CROCC2: variants seen among roughly 807,000 people sequenced by gnomAD.
The protein encoded by CROCC2 is ciliary rootlet coiled-coil, rootletin family member 2.
Under a neutral mutation model 177.6 loss-of-function variants are expected in CROCC2, and 163 were observed. That is an observed-to-expected ratio of 0.92 (90% confidence interval 0.81 to 1.05). CROCC2 has a LOEUF of 1.05. Among genes scored for constraint, CROCC2 ranks in the 50% least tolerant of loss-of-function variants. CROCC2 has a pLI of 0.00. For missense variants in CROCC2, 1,929 were observed against 1,797.8 expected, an observed-to-expected ratio of 1.07 and a Z score of -1.32; for synonymous variants, 904 against 787.3, an observed-to-expected ratio of 1.15 and a Z score of -2.48.
chr2:240,930,450 G>T (rs893509976), intron 6 of CROCC2, among the ~76,000 whole-genome samples, 181 bp downstream of exon 6: 1 of 152,152 alleles, frequency 6.6e-6, no homozygotes, highest in African/African-American at 2.4e-5. Flanking sequence ...AGCGATGAGG[G>T]CAGCCTAGGA....
intron 30 of CROCC2, among the ~76,000 whole-genome samples, chr2:240,990,728 AC>A (rs2059872715): frequency 6.6e-6 from 1 of 152,098 alleles, no homozygotes; most frequent in Admixed American, 6.5e-5. Flanking sequence ...GATTGCAGGC[AC>A]CCACCACCAT....
At chr2:240,941,329 A>C (rs6758881) in intron 14 of CROCC2, among the ~76,000 whole-genome samples, 87,200 of 151,988 alleles carry the variant, frequency 0.57, 25,567 homozygotes, top group Non-Finnish European at 0.63. Context: ...ACTAGAAAAA[A>C]ATCCTAAATT....
chr2:240,983,902 A>G (rs898152348), intron 28 of CROCC2, among the ~76,000 whole-genome samples: 18 of 152,114 alleles, frequency 1.2e-4, no homozygotes, highest in Non-Finnish European at 2.4e-4. Flanking sequence ...GCCCCTGCTC[A>G]TGGTGGAGAT....
chr2:240,973,268 C>T lies in CROCC2; in HGVS notation c.4401+5006C>T, dbSNP rs1479345556. Among the ~76,000 whole-genome samples, 1 of 152,134 alleles carries T rather than the reference C, an allele frequency of 6.6e-6. No homozygotes were observed. Among genetic ancestry groups the T allele is most frequent in the East Asian group, 1.9e-4 (1 of 5,202 alleles). ...AATCCCTCCCCGTTTCCAAGGCTAC[C>T]CTGGGAATTCAATAGAACAGCCGTG... is the stretch of plus-strand genomic sequence containing the variant. On this transcript the variant is annotated intron_variant, in intron 27 of 31. Transcript: ENST00000690015. This position sits in a 1 kb window ranked among gnomAD's most constrained non-coding sequence, Gnocchi z 4.7.
chr2:240,962,604 A>G (rs986694812), intron 20 of CROCC2, among the ~76,000 whole-genome samples: 2 of 152,202 alleles, frequency 1.3e-5, no homozygotes, highest in Non-Finnish European at 2.9e-5. Context: ...GAAAACAGCC[A>G]GAAAGAGGGG....
chr2:240,944,918 T>C (rs2059514485), intron 14 of CROCC2, among the ~76,000 whole-genome samples: 1 of 152,138 alleles, frequency 6.6e-6, no homozygotes, highest in Non-Finnish European at 1.5e-5. Context: ...AGAAAGCATT[T>C]ATTTTTGTTC....
intron 27 of CROCC2, among the ~76,000 whole-genome samples, chr2:240,968,571 TG>T (rs141873895): frequency 6.6e-6 from 1 of 151,880 alleles, no homozygotes; most frequent in Non-Finnish European, 1.5e-5. Flanking sequence ...GCACAGCGAG[TG>T]GGGGGCAGAG....
intron 27 of CROCC2, among the ~76,000 whole-genome samples, chr2:240,974,437 G>A (rs1166645774): frequency 6.6e-6 from 1 of 150,582 alleles, no homozygotes; most frequent in East Asian, 1.9e-4. Context: ...TACCTCCTGG[G>A]CTCAAGCGAT....
In CROCC2 at chr2:240,918,804, G is replaced by T. The variant is rs973086502; in HGVS notation, c.157G>T (p.Ala53Ser). ...ALTVRGEGRQ[A>S]SPTPVPTRIR... ...GACCGTGCGTGGGGAAGGCCGGCAGGCCTCGCCCACCCCCGTGCCCACCCG... is the reference window on the plus strand; with the variant it reads ...GACCGTGCGTGGGGAAGGCCGGCAGTCCTCGCCCACCCCCGTGCCCACCCG... The change falls in exon 2 of 32, where the codon GCC becomes TCC. Residue 53 changes from alanine (A) to serine (S), a missense_variant. Ala to Ser is a moderately conservative substitution (Grantham distance 99). Around this residue, in one of 3 missense-constraint regions of CROCC2, gnomAD observed 1,397 missense variants for 1,239.9 expected, o/e 1.13. Transcript: ENST00000690015. This position sits in a 1 kb window ranked among gnomAD's most constrained non-coding sequence, Gnocchi z 6.3. The T allele has an allele frequency of 1.6e-6, 1 of 608,318 alleles. No homozygotes were observed. The highest frequency in any genetic ancestry group is 3.1e-5 in the East Asian group (1 of 32,766). The allele number at this position is 608,318 out of a possible 1,614,324, so 37.7% of individuals were successfully genotyped here. A position where few individuals can be genotyped will look rare whatever the true frequency, so the allele number is the denominator to read the frequency against.
chr2:240,986,750 C>A (rs1434109756), intron 28 of CROCC2, among the ~76,000 whole-genome samples: 1 of 152,188 alleles, frequency 6.6e-6, no homozygotes, highest in Admixed American at 6.5e-5. Context: ...GGGAAGGTGC[C>A]CACACAGCCA....
chr2:240,990,618 T>G (rs1162006610), intron 30 of CROCC2, among the ~76,000 whole-genome samples: 2 of 152,056 alleles, frequency 1.3e-5, no homozygotes, highest in Non-Finnish European at 2.9e-5. Context: ...ATTCTCACTC[T>G]GTCACCTGGG....
intron 14 of CROCC2, among the ~76,000 whole-genome samples, chr2:240,944,979 C>T (rs1204061744): frequency 6.6e-6 from 1 of 152,170 alleles, no homozygotes; most frequent in East Asian, 1.9e-4. Flanking sequence ...CTCTGTCACC[C>T]AGGCTGGAGT....
chr2:240,941,568 A>G lies in CROCC2; in HGVS notation c.2170-4492A>G, dbSNP rs529630499. ...GATGTTCGACAAAACAATCAAAAAC[A>G]TAAAGTAAAGAAAGGACACTCTATT... On this transcript the variant is annotated intron_variant, in intron 14 of 31. Transcript: ENST00000690015. Among the ~76,000 whole-genome samples the G allele has an allele frequency of 4.6e-5, 7 of 152,366 alleles. No individual in the cohort carries two copies. In the South Asian group the frequency reaches 1.2e-3, roughly 27 times the overall value.
At chr2:240,909,904 T>C (rs4675855) in intron 1 of CROCC2, among the ~76,000 whole-genome samples, 91,284 of 151,976 alleles carry the variant, frequency 0.6, 28,147 homozygotes, top group Admixed American at 0.67. Context: ...TGGGAGACCA[T>C]AGGGCCTGAG....
intron 27 of CROCC2, among the ~76,000 whole-genome samples, chr2:240,976,132 C>T (rs538266329): frequency 2.6e-5 from 4 of 152,354 alleles, no homozygotes; most frequent in East Asian, 3.9e-4. Context: ...GCTCCAAGAC[C>T]GGGCTCATCC....
At chr2:240,947,327 G>C (rs1182816796) in intron 15 of CROCC2, among the ~76,000 whole-genome samples, 2 of 152,180 alleles carry the variant, frequency 1.3e-5, no homozygotes, top group Admixed American at 1.3e-4. Context: ...TCCCTTTCCT[G>C]CTGTCAGGGT....
chr2:240,933,381 G>T, intron 10 of CROCC2, 39 bp downstream of exon 10: 1 of 1,453,324 alleles, frequency 6.9e-7, no homozygotes, highest in Non-Finnish European at 9.1e-7. Context: ...TGCACAGGGT[G>T]TATGGGATCC....
chr2:240,919,729 G>C (rs957674643), intron 2 of CROCC2, among the ~76,000 whole-genome samples: 14 of 142,094 alleles, frequency 9.9e-5, no homozygotes, highest in Non-Finnish European at 1.4e-4. Context: ...GCTCGGCCTG[G>C]GCCTGGGTCT....
intron 1 of CROCC2, among the ~76,000 whole-genome samples, chr2:240,916,781 G>A (rs1409790241): frequency 6.6e-6 from 1 of 152,236 alleles, no homozygotes; most frequent in Admixed American, 6.5e-5. Context: ...GCGGAGGGAG[G>A]GCGGGGCAGA....
Sources: allele counts gnomAD v4.1 joint callset (sites outside exome capture counted in the v4.1 genomes callset), GRCh38; gene constraint gnomAD v4.1.1; regional missense constraint gnomAD v4.1.1; non-coding constraint Gnocchi (gnomAD v3.1); transcripts MANE v1.5; gene names NCBI Gene and HGNC (gene_info 2026-07-23, HGNC 2026-07-21).